The following XPO4 variants were observed in gnomAD, a reference collection of about 807,000 sequenced individuals.
XPO4 encodes the protein exportin-4.
In XPO4, 39 loss-of-function variants were observed where a neutral mutation model predicts 143.0. The ratio of observed to expected loss-of-function variants is 0.27; its 90% confidence interval spans 0.21 to 0.36. The LOEUF (loss-of-function observed/expected upper bound fraction) is 0.36, where lower values mean the gene tolerates loss of function less well. XPO4 is among the 10% of genes least tolerant of loss of function. The pLI is 1.00. For synonymous variants in XPO4, 439 were observed against 474.0 expected (o/e 0.93, Z 0.96); for missense variants, 907 against 1,348.0 (o/e 0.67, Z 5.12).
At chr13:20,812,163 G>A (rs1490865519) in intron 9 of XPO4, among the ~76,000 whole-genome samples, 1 of 152,056 alleles carries the variant, frequency 6.6e-6, no homozygotes, top group Admixed American at 6.6e-5. Flanking sequence ...CTGAGGTCAG[G>A]GGTTCAAGAC....
At chr13:20,832,170 A>T (rs2059860824) in intron 6 of XPO4, among the ~76,000 whole-genome samples, 1 of 152,224 alleles carries the variant, frequency 6.6e-6, no homozygotes, top group Admixed American at 6.5e-5. Context: ...GCCAAGAGCC[A>T]GAAGGACAGC....
chr13:20,856,129 A>G (rs541977714), intron 3 of XPO4, among the ~76,000 whole-genome samples: 1 of 152,072 alleles, frequency 6.6e-6, no homozygotes. Context: ...GATGTAAGTC[A>G]GCTCCCTGTT....
chr13:20,807,044 T>G (rs941230213), intron 13 of XPO4, among the ~76,000 whole-genome samples: 1 of 152,160 alleles, frequency 6.6e-6, no homozygotes, highest in Non-Finnish European at 1.5e-5. Context: ...TTATCTATCA[T>G]TTTCCATGAG....
intron 20 of XPO4, 43 bp downstream of exon 20, chr13:20,788,443 T>C: frequency 6.4e-7 from 1 of 1,572,098 alleles, no homozygotes; most frequent in Non-Finnish European, 8.6e-7. Context: ...GAAGATCTTT[T>C]TCCCCAAGTA....
chr13:20,792,276 T>G (rs2059293152), intron 18 of XPO4, among the ~76,000 whole-genome samples: 1 of 151,944 alleles, frequency 6.6e-6, no homozygotes. Flanking sequence ...CAAAACCCCA[T>G]CTCTACTAAA....
chr13:20,868,734 A>G, intron 1 of XPO4, 33 bp from the exon 2 acceptor site: 1 of 1,577,002 alleles, frequency 6.3e-7, no homozygotes. Context: ...AGATACACTT[A>G]TCTAATGACA....
intron 1 of XPO4, among the ~76,000 whole-genome samples, chr13:20,875,354 T>C (rs1019936941): frequency 2.0e-5 from 3 of 152,212 alleles, no homozygotes; most frequent in African/African-American, 7.2e-5. Context: ...TTTGGGCCTT[T>C]CTAGCAAAAC....
At chr13:20,876,309 C>T (rs947893823) in intron 1 of XPO4, among the ~76,000 whole-genome samples, 17 of 141,832 alleles carry the variant, frequency 1.2e-4, no homozygotes, top group South Asian at 2.3e-4. Context: ...TAATACCCAA[C>T]TAAATCTAAA....
At chr13:20,876,779 G>A (rs913881522) in intron 1 of XPO4, among the ~76,000 whole-genome samples, 1 of 152,170 alleles carries the variant, frequency 6.6e-6, no homozygotes, top group Non-Finnish European at 1.5e-5. Flanking sequence ...TGGGTTCCTG[G>A]TCCTCAGGGT....
intron 1 of XPO4, among the ~76,000 whole-genome samples, chr13:20,892,712 C>T (rs568799550): frequency 5.3e-5 from 8 of 151,772 alleles, no homozygotes; most frequent in South Asian, 2.1e-4. Flanking sequence ...AGCAAGATTT[C>T]GTCTCTACAA....
intron 1 of XPO4, among the ~76,000 whole-genome samples, chr13:20,896,609 G>T (rs925340547): frequency 3.9e-5 from 6 of 152,038 alleles, no homozygotes; most frequent in Admixed American, 3.9e-4. Context: ...AGAACTAATG[G>T]TTCCAACAGT....
At chr13:20,790,109 C>A (rs1425643975) in intron 19 of XPO4, among the ~76,000 whole-genome samples, 1 of 152,180 alleles carries the variant, frequency 6.6e-6, no homozygotes, top group African/African-American at 2.4e-5. Flanking sequence ...GAGGAAAACA[C>A]TGAAACTTTT....
In XPO4 at chr13:20,894,720, G is replaced by A. The variant is rs140369090; in HGVS notation, c.69+7950C>T. Reference sequence around the variant, plus strand: ...TAGCCAGGCATCATGGCAGGCACCTGTAAATCCCAGCTACTGGGGAGGCTA... The same window carrying A: ...TAGCCAGGCATCATGGCAGGCACCTATAAATCCCAGCTACTGGGGAGGCTA... On this transcript the variant is annotated intron_variant, in intron 1 of 22. Coordinates refer to ENST00000255305, the MANE Select transcript of XPO4 (RefSeq NM_022459.5). 4.9e-3 allele frequency among the ~76,000 whole-genome samples: 749 copies of A among 152,020 alleles called. 5 individuals carry two copies. The highest frequency in any genetic ancestry group is 0.017 in the Middle Eastern group (5 of 292).
chr13:20,855,514 C>A, intron 4 of XPO4, 113 bp downstream of exon 4: 1 of 1,048,152 alleles, frequency 9.5e-7, no homozygotes, highest in Non-Finnish European at 1.3e-6. Flanking sequence ...AATTGCTTGA[C>A]TGATAGCTTT....
At position 20,865,485 on chromosome 13, in the gene XPO4, G is replaced by A. The variant is rs1321910852; in HGVS notation, c.176-2627C>T. ...TCTGGGAAGATCTGCCACTGACTAG[G>A]ACACTGTCCAGAGAATAAATTATTT... On this transcript the variant is annotated intron_variant, in intron 2 of 22. Transcript: ENST00000255305. 5 of 985,146 alleles carry A rather than the reference G, an allele frequency of 5.1e-6. No individual in the cohort carries two copies. In the African/African-American group the frequency reaches 7.0e-5, roughly 14 times the overall value. 61.0% of individuals were successfully genotyped at this position (985,146 alleles called of 1,614,324 possible). A position where few individuals can be genotyped will look rare whatever the true frequency, so the allele number is the denominator to read the frequency against.
At chr13:20,789,555 C>T (rs1225038555) in intron 19 of XPO4, among the ~76,000 whole-genome samples, 2 of 151,500 alleles carry the variant, frequency 1.3e-5, no homozygotes, top group Middle Eastern at 3.4e-3. Context: ...CCACCACACC[C>T]GGCTTTTTTT....
In XPO4 at chr13:20,841,628, G is replaced by A. The variant is rs1008261302; in HGVS notation, c.727+1267C>T. On this transcript the variant is annotated intron_variant, in intron 6 of 22. Coordinates refer to ENST00000255305, the MANE Select transcript of XPO4 (RefSeq NM_022459.5). ...TGGGAAAGAAACCTGGAGAGCTCAC[G>A]AGTCAGACTCACTTTACCTGACAGA... 4.6e-5 allele frequency among the ~76,000 whole-genome samples: 7 copies of A among 152,002 alleles called. No individual in the cohort carries two copies. In the South Asian group the frequency reaches 6.2e-4, roughly 14 times the overall value.
At chr13:20,815,493 T>C in intron 9 of XPO4, among the ~76,000 whole-genome samples, 1 of 152,210 alleles carries the variant, frequency 6.6e-6, no homozygotes, top group African/African-American at 2.4e-5. Flanking sequence ...TATATTTATA[T>C]TTATCTATAT....
intron 1 of XPO4, chr13:20,879,440 A>C: frequency 1.9e-6 from 1 of 525,404 alleles, no homozygotes; most frequent in Non-Finnish European, 2.4e-6. Context: ...GCCCATCACA[A>C]CAGGACCCAT....
Sources: gnomAD v4.1 joint callset for allele counts (sites outside exome capture counted in the v4.1 genomes callset) on GRCh38, gnomAD v4.1.1 for gene constraint, MANE v1.5 for transcripts, NCBI Gene and HGNC (gene_info 2026-07-23, HGNC 2026-07-21) for gene names.